Variants in ZC3H8 observed in about 807,000 individuals in gnomAD.
ZC3H8 encodes the protein zinc finger CCCH-type containing 8.
A neutral mutation model predicts 42.5 loss-of-function variants in ZC3H8; 27 were observed. The observed-to-expected ratio is 0.64, with a 90% CI of 0.47 to 0.88. The LOEUF (loss-of-function observed/expected upper bound fraction) is 0.88, where lower values mean the gene tolerates loss of function less well. ZC3H8 is among the 40% of genes least tolerant of loss of function. The probability of loss-of-function intolerance (pLI) is 0.00; values close to 1 mark genes in which losing one functional copy is unlikely to be tolerated. For missense variants in ZC3H8, 277 were observed against 336.1 expected, an observed-to-expected ratio of 0.82 and a Z score of 1.37; for synonymous variants, 101 against 110.1, an observed-to-expected ratio of 0.92 and a Z score of 0.52.
At chr2:112,252,689 A>G (rs1685991470) in intron 1 of ZC3H8, among the ~76,000 whole-genome samples, 1 of 151,636 alleles carries the variant, frequency 6.6e-6, no homozygotes, top group Non-Finnish European at 1.5e-5. Context: ...TGCTCCCCTA[A>G]CCCAATCACA....
chr2:112,233,283 C>A lies in ZC3H8; in HGVS notation c.710G>T (p.Gly237Val), dbSNP rs1464993782. 1.9e-6 allele frequency: 3 copies of A among 1,591,898 alleles called. No individual in the cohort carries two copies. The highest frequency in any genetic ancestry group is 1.8e-5 in the Admixed American group (1 of 56,674). Residue 237 changes from glycine to valine, a missense_variant, in exon 6 of 9, where the codon GGT becomes GTT. Gly to Val is a moderately radical substitution (Grantham distance 109, BLOSUM62 -3). Coordinates refer to ENST00000409573, the MANE Select transcript of ZC3H8 (RefSeq NM_032494.3). ...ATTATGCAAATACAGACAGTTTTCA[C>A]CTCTGGTACAATATCCTTGTACATA... ...KFYVQGYCTR[G>V]ENCLYLHNEY...
At chr2:112,229,730 T>C (rs1449786312) in intron 8 of ZC3H8, among the ~76,000 whole-genome samples, 2 of 152,202 alleles carry the variant, frequency 1.3e-5, no homozygotes, top group Non-Finnish European at 2.9e-5. Context: ...GTAGTTGTTT[T>C]TGCTAAGCAC....
At chr2:112,253,121 C>G (rs1686012952) in intron 1 of ZC3H8, among the ~76,000 whole-genome samples, 1 of 151,802 alleles carries the variant, frequency 6.6e-6, no homozygotes, top group Non-Finnish European at 1.5e-5. Flanking sequence ...GCGACAGAGC[C>G]AGACTCTGCT....
At chr2:112,230,183 C>T (rs1685029389) in intron 8 of ZC3H8, among the ~76,000 whole-genome samples, 1 of 152,180 alleles carries the variant, frequency 6.6e-6, no homozygotes, top group African/African-American at 2.4e-5. Context: ...TCTATTTTTA[C>T]ATCCACTAAA....
chr2:112,229,509 T>C (rs560521509), intron 8 of ZC3H8, among the ~76,000 whole-genome samples: 1 of 152,304 alleles, frequency 6.6e-6, no homozygotes, highest in East Asian at 1.9e-4. Context: ...CTTTGCCCTC[T>C]TGAGTTTCTG....
chr2:112,254,208 A>G (rs1686048544), intron 1 of ZC3H8: 2 of 941,584 alleles, frequency 2.1e-6, no homozygotes, highest in Non-Finnish European at 2.5e-6. Context: ...AGTTGAGGGA[A>G]ATAAAAGACG....
In ZC3H8 at chr2:112,214,692, G is replaced by A. The variant is rs1684263095; in HGVS notation, c.*1792C>T. The A allele has an allele frequency of 6.6e-6, 1 of 152,210 alleles. No homozygotes were observed. The highest frequency in any genetic ancestry group is 2.1e-4 in the South Asian group (1 of 4,828). 9.4% of individuals were successfully genotyped at this position (152,210 alleles called of 1,614,324 possible). A position where few individuals can be genotyped will look rare whatever the true frequency, so the allele number is the denominator to read the frequency against. ...GGGCGTGGCTGAAGCAGTATACTCG[G>A]AAATCTGCTCTGAGGAACCAGAGCA... On this transcript the variant is annotated 3_prime_UTR_variant, in exon 9 of 9. Transcript: ENST00000409573.
At chr2:112,229,499 CT>C (rs1573898480) in intron 8 of ZC3H8, among the ~76,000 whole-genome samples, 1 of 152,294 alleles carries the variant, frequency 6.6e-6, no homozygotes, top group East Asian at 1.9e-4. Context: ...GTAAACAGGG[CT>C]TTGCCCTCTT....
At chr2:112,227,058 T>C (rs1174758262) in intron 8 of ZC3H8, among the ~76,000 whole-genome samples, 2 of 151,836 alleles carry the variant, frequency 1.3e-5, no homozygotes, top group East Asian at 1.9e-4. Flanking sequence ...TCAACTAGAG[T>C]ATCTATAAAA....
chr2:112,223,366 AACAC>A (rs1483687528), intron 8 of ZC3H8, among the ~76,000 whole-genome samples: 4 of 152,208 alleles, frequency 2.6e-5, no homozygotes, highest in African/African-American at 7.2e-5. Context: ...AATTTCTAGA[AACAC>A]ACAAACAATC....
At chr2:112,245,223 C>T (rs1685714184) in intron 2 of ZC3H8, among the ~76,000 whole-genome samples, 1 of 152,242 alleles carries the variant, frequency 6.6e-6, no homozygotes, top group African/African-American at 2.4e-5. Context: ...AAGCCAAAGC[C>T]TAATCCAGGG....
intron 1 of ZC3H8, among the ~76,000 whole-genome samples, chr2:112,252,949 C>A (rs1686004219): frequency 6.6e-6 from 1 of 152,176 alleles, no homozygotes; most frequent in Admixed American, 6.5e-5. Flanking sequence ...CGAGACCATC[C>A]TGTCTAACAT....
At chr2:112,229,186 G>A (rs1265542751) in intron 8 of ZC3H8, among the ~76,000 whole-genome samples, 4 of 152,138 alleles carry the variant, frequency 2.6e-5, no homozygotes, top group African/African-American at 4.8e-5. Flanking sequence ...ACAGGTTAGT[G>A]GGGGAAAGAG....
intron 8 of ZC3H8, among the ~76,000 whole-genome samples, chr2:112,227,397 T>C (rs2104649143): frequency 6.6e-6 from 1 of 152,270 alleles, no homozygotes; most frequent in Middle Eastern, 3.4e-3. Flanking sequence ...TGGTGGCAGA[T>C]GCCTGCAATC....
chr2:112,250,621 A>C (rs1685913062), intron 1 of ZC3H8, among the ~76,000 whole-genome samples: 1 of 152,208 alleles, frequency 6.6e-6, no homozygotes, highest in African/African-American at 2.4e-5. Flanking sequence ...AACAATGAAA[A>C]ATACAGACCC....
intron 8 of ZC3H8, among the ~76,000 whole-genome samples, chr2:112,216,841 CAA>C (rs1356322187): frequency 6.6e-6 from 1 of 151,288 alleles, no homozygotes; most frequent in Non-Finnish European, 1.5e-5. Context: ...AGAAAGAGAA[CAA>C]AAAATGAGAT....
intron 2 of ZC3H8, among the ~76,000 whole-genome samples, chr2:112,244,493 G>C (rs1033709332): frequency 1.3e-5 from 2 of 152,128 alleles, no homozygotes; most frequent in Non-Finnish European, 2.9e-5. Flanking sequence ...TAAGATGTGA[G>C]ATATCTACAA....
rs1573868557 is a variant in ZC3H8 at position 112,211,803 on chromosome 2, T to A, written c.*4681A>T. 3 of 152,348 alleles carry A rather than the reference T, an allele frequency of 2.0e-5. No individual in the cohort carries two copies. In the South Asian group the frequency reaches 6.2e-4, roughly 32 times the overall value. 9.4% of individuals were successfully genotyped at this position (152,348 alleles called of 1,614,324 possible). A position where few individuals can be genotyped will look rare whatever the true frequency, so the allele number is the denominator to read the frequency against. On this transcript the variant is annotated 3_prime_UTR_variant, in exon 9 of 9. Coordinates refer to ENST00000409573, the MANE Select transcript of ZC3H8 (RefSeq NM_032494.3). ...GACAAGTTCGAATTTAGTTTATTTT[T>A]AAATAATGTAAATGAGTGTTACAAA...
intron 8 of ZC3H8, among the ~76,000 whole-genome samples, chr2:112,224,831 A>T (rs1299161322): frequency 6.6e-6 from 1 of 152,224 alleles, no homozygotes; most frequent in Non-Finnish European, 1.5e-5. Flanking sequence ...GAGAAGAATG[A>T]ATTGTAGTAA....
Sources: allele counts gnomAD v4.1 joint callset (sites outside exome capture counted in the v4.1 genomes callset), GRCh38; gene constraint gnomAD v4.1.1; transcripts MANE v1.5; gene names NCBI Gene and HGNC (gene_info 2026-07-23, HGNC 2026-07-21).